Variants in XKR4 observed in about 807,000 individuals in gnomAD.
XKR4 encodes the protein XK-related protein 4.
A neutral mutation model predicts 53.9 loss-of-function variants in XKR4; 12 were observed. That is an observed-to-expected ratio of 0.22 (90% confidence interval 0.14 to 0.36). XKR4 has a LOEUF of 0.36. Ranked by LOEUF, XKR4 falls within the 10% of genes least tolerant of loss-of-function variation. The pLI, the probability that XKR4 is intolerant of heterozygous loss-of-function variation, is 1.00. For missense variants in XKR4, 799 were observed against 859.5 expected (o/e 0.93, Z 0.88); for synonymous variants, 354 against 362.4 (o/e 0.98, Z 0.26).
chr8:55,295,628 T>C (rs1819090624), intron 1 of XKR4, among the ~76,000 whole-genome samples: 1 of 152,182 alleles, frequency 6.6e-6, no homozygotes, highest in Non-Finnish European at 1.5e-5. Flanking sequence ...AATAAGATTA[T>C]TGAGATAAGA....
intron 1 of XKR4, among the ~76,000 whole-genome samples, chr8:55,350,095 C>A (rs1803704199): frequency 6.6e-6 from 1 of 152,164 alleles, no homozygotes; most frequent in African/African-American, 2.4e-5. Context: ...TTTGCCTTAA[C>A]AATATACAAT....
intron 2 of XKR4, chr8:55,452,474 T>C (rs1175962808): frequency 1.6e-6 from 1 of 631,248 alleles, no homozygotes; most frequent in African/African-American, 1.8e-5. Context: ...GCCCATCCGG[T>C]GGCAGGTAGA....
intron 2 of XKR4, among the ~76,000 whole-genome samples, chr8:55,382,833 A>G (rs960253334): frequency 6.6e-6 from 1 of 152,064 alleles, no homozygotes; most frequent in African/African-American, 2.4e-5. Context: ...ATTCTTATGG[A>G]TAGGTGAATT....
rs1173243765 is a variant in XKR4 at position 55,523,251 on chromosome 8, G to T, written c.1007-30G>T. ...GGGGGCATTGCTGCAACTGATTTCT[G>T]ACACACTGTCTTCCTGTTTGCCTTT... On this transcript the variant is annotated intron_variant, in intron 2 of 2. Coordinates refer to ENST00000327381, the MANE Select transcript of XKR4 (RefSeq NM_052898.2). The T allele has an allele frequency of 4.5e-6, 7 of 1,541,034 alleles. No homozygotes were observed. In the South Asian group the frequency reaches 8.9e-5, roughly 20 times the overall value.
intron 1 of XKR4, among the ~76,000 whole-genome samples, chr8:55,150,125 G>A (rs931983764): frequency 6.6e-6 from 1 of 152,184 alleles, no homozygotes; most frequent in East Asian, 1.9e-4. Context: ...ACTGCTCTAA[G>A]ATTATATAAA....
intron 2 of XKR4, among the ~76,000 whole-genome samples, chr8:55,505,500 A>G (rs539557385): frequency 7.2e-5 from 11 of 152,204 alleles, no homozygotes; most frequent in Non-Finnish European, 1.6e-4. Context: ...GCAGTGAGCT[A>G]TGATTGCACC....
chr8:55,403,681 C>A (rs1258438329), intron 2 of XKR4, among the ~76,000 whole-genome samples: 3 of 152,210 alleles, frequency 2.0e-5, no homozygotes, highest in Non-Finnish European at 4.4e-5. Flanking sequence ...TACAGTTTAA[C>A]CTTCCCAGTC....
chr8:55,284,579 G>A (rs1818882058), intron 1 of XKR4, among the ~76,000 whole-genome samples: 1 of 152,162 alleles, frequency 6.6e-6, no homozygotes, highest in Admixed American at 6.5e-5. Flanking sequence ...GAGTGTCCTT[G>A]TGACATGGCA....
chr8:55,233,206 A>C (rs930236957), intron 1 of XKR4, among the ~76,000 whole-genome samples: 1 of 152,250 alleles, frequency 6.6e-6, no homozygotes, highest in Non-Finnish European at 1.5e-5. Flanking sequence ...GCCTGGCTTC[A>C]GAAAGGGAGG....
chr8:55,468,768 G>A (rs1449672631), intron 2 of XKR4, among the ~76,000 whole-genome samples: 2 of 152,098 alleles, frequency 1.3e-5, no homozygotes, highest in Non-Finnish European at 2.9e-5. Flanking sequence ...AAGGTCCAGT[G>A]AAATCTAACA....
intron 1 of XKR4, among the ~76,000 whole-genome samples, chr8:55,246,911 G>A (rs1818292883): frequency 1.3e-5 from 2 of 151,982 alleles, no homozygotes; most frequent in Non-Finnish European, 2.9e-5. Context: ...CTGTGCTCTG[G>A]ATTTCTTCGA....
intron 2 of XKR4, chr8:55,453,463 C>T: frequency 5.0e-6 from 2 of 399,518 alleles, no homozygotes; most frequent in South Asian, 3.9e-5. Flanking sequence ...TCCCCTCAAA[C>T]ACGTGGGAGA....
intron 2 of XKR4, among the ~76,000 whole-genome samples, chr8:55,408,468 C>G (rs182591512): frequency 6.6e-6 from 1 of 152,132 alleles, no homozygotes; most frequent in Non-Finnish European, 1.5e-5. Context: ...CCCAGGGAAC[C>G]GCAGCAGGAT....
chr8:55,520,294 A>G (rs2129405663), intron 2 of XKR4, among the ~76,000 whole-genome samples: 1 of 152,370 alleles, frequency 6.6e-6, no homozygotes, highest in Non-Finnish European at 1.5e-5. Flanking sequence ...GTAAATAATA[A>G]TCAAAGGAAG....
chr8:55,333,208 T>C (rs749208027), intron 1 of XKR4, among the ~76,000 whole-genome samples: 1 of 152,010 alleles, frequency 6.6e-6, no homozygotes, highest in Non-Finnish European at 1.5e-5. Context: ...TCTTGTTTAG[T>C]AAGTCTGATG....
chr8:55,324,777 C>T (rs972940392), intron 1 of XKR4, among the ~76,000 whole-genome samples: 1 of 152,178 alleles, frequency 6.6e-6, no homozygotes, highest in Non-Finnish European at 1.5e-5. Context: ...TCCAAGATCA[C>T]ATAGATATTA....
intron 1 of XKR4, among the ~76,000 whole-genome samples, chr8:55,296,492 C>A (rs950045766): frequency 5.3e-5 from 8 of 152,094 alleles, no homozygotes; most frequent in African/African-American, 1.9e-4. Flanking sequence ...TTTTCAAAAG[C>A]CTTTTGCACC....
At chr8:55,111,624 A>G (rs1816232658) in intron 1 of XKR4, among the ~76,000 whole-genome samples, 1 of 152,222 alleles carries the variant, frequency 6.6e-6, no homozygotes, top group Non-Finnish European at 1.5e-5. Context: ...TTAAAAACAC[A>G]TATCTACATA....
At chr8:55,126,742 G>A (rs1313803504) in intron 1 of XKR4, among the ~76,000 whole-genome samples, 1 of 152,116 alleles carries the variant, frequency 6.6e-6, no homozygotes, top group Non-Finnish European at 1.5e-5. Flanking sequence ...CTCCCTACTG[G>A]AATCCCATAA....
Sources: allele counts gnomAD v4.1 joint callset (sites outside exome capture counted in the v4.1 genomes callset), GRCh38; gene constraint gnomAD v4.1.1; transcripts MANE v1.5; gene names NCBI Gene and HGNC (gene_info 2026-07-23, HGNC 2026-07-21).